The following GABRG3 variants were observed in gnomAD, a reference collection of about 807,000 sequenced individuals.
GABRG3 encodes the protein gamma-aminobutyric acid type A receptor subunit gamma3.
Under a neutral mutation model 48.8 loss-of-function variants are expected in GABRG3, and 25 were observed. The ratio of observed to expected loss-of-function variants is 0.51; its 90% CI spans 0.37 to 0.72. The LOEUF is 0.72. GABRG3 is among the 30% of genes least tolerant of loss of function. GABRG3 has a pLI of 0.00. For synonymous variants in GABRG3, 227 were observed against 217.6 expected (o/e 1.04, Z -0.38); for missense variants, 394 against 577.9 (o/e 0.68, Z 3.26).
In GABRG3 at chr15:27,180,775, G is replaced by A. The variant is rs577061110; in HGVS notation, c.271-146034G>A. Among the ~76,000 whole-genome samples, 61 of 152,210 alleles carry A rather than the reference G, an allele frequency of 4.0e-4. No individual in the cohort carries two copies. Among genetic ancestry groups the A allele is most frequent in the Non-Finnish European group, 7.6e-4 (52 of 68,024 alleles). ...GATACCTCCTGGCCCTAAATCCACT[G>A]ACTAATGCTCTTATCCACTCACATT... On this transcript the variant is annotated intron_variant, in intron 3 of 9. Transcript: ENST00000615808. The surrounding 1 kb of genome is among the most constrained non-coding windows in gnomAD (Gnocchi z 4.2).
At chr15:27,009,940 ATTCTTCT>A (rs879812999) in intron 2 of GABRG3, among the ~76,000 whole-genome samples, 1 of 146,606 alleles carries the variant, frequency 6.8e-6, no homozygotes, top group African/African-American at 2.6e-5. Flanking sequence ...TTCTTTCTTC[ATTCTTCT>A]TTCTTCTTCT....
intron 3 of GABRG3, among the ~76,000 whole-genome samples, chr15:27,215,261 C>T (rs894170329): frequency 7.2e-5 from 11 of 152,126 alleles, no homozygotes; most frequent in African/African-American, 2.7e-4. Context: ...CCCCTTGCCT[C>T]CACAGCCCCT....
chr15:27,165,165 T>C (rs1887331809), intron 3 of GABRG3, among the ~76,000 whole-genome samples: 1 of 152,234 alleles, frequency 6.6e-6, no homozygotes, highest in Non-Finnish European at 1.5e-5. Flanking sequence ...TAGTTTCCTC[T>C]CCCAGATAAT....
At chr15:27,201,663 C>A (rs57807799) in intron 3 of GABRG3, among the ~76,000 whole-genome samples, 359 of 152,204 alleles carry the variant, frequency 2.4e-3, no homozygotes, top group African/African-American at 8.4e-3. Flanking sequence ...TTCAGCCAAG[C>A]CACAAGGGGT....
chr15:27,498,221 C>T (rs953193108), intron 6 of GABRG3, among the ~76,000 whole-genome samples: 39 of 152,008 alleles, frequency 2.6e-4, no homozygotes, highest in Non-Finnish European at 1.5e-4. Flanking sequence ...CATGGAGTGT[C>T]TGTTCCTTTC....
chr15:27,310,005 A>T (rs897253136), intron 3 of GABRG3, among the ~76,000 whole-genome samples: 1 of 152,160 alleles, frequency 6.6e-6, no homozygotes, highest in Non-Finnish European at 1.5e-5. Flanking sequence ...CTTTTAATAT[A>T]TGTAACAACT....
chr15:27,377,765 A>T (rs936243817), intron 5 of GABRG3, among the ~76,000 whole-genome samples: 3 of 152,230 alleles, frequency 2.0e-5, no homozygotes, highest in African/African-American at 7.2e-5. Context: ...ATCTACATGG[A>T]TGTATCTGTA....
intron 3 of GABRG3, among the ~76,000 whole-genome samples, chr15:27,126,338 G>C (rs1191896343): frequency 1.3e-5 from 2 of 152,130 alleles, no homozygotes; most frequent in Admixed American, 6.5e-5. Context: ...GGCAGGGGAG[G>C]GACTCGCGAT....
intron 3 of GABRG3, among the ~76,000 whole-genome samples, chr15:27,090,707 A>C (rs546650576): frequency 3.9e-5 from 6 of 152,322 alleles, no homozygotes; most frequent in African/African-American, 1.2e-4. Context: ...CAAGACTTGT[A>C]CTTCTTTGGC....
intron 5 of GABRG3, among the ~76,000 whole-genome samples, chr15:27,404,225 A>T (rs1887566682): frequency 6.6e-6 from 1 of 152,258 alleles, no homozygotes; most frequent in South Asian, 2.1e-4. Context: ...CGTCTGAAGA[A>T]AAAACCTATC....
chr15:27,509,630 C>A (rs935423920), intron 6 of GABRG3, among the ~76,000 whole-genome samples: 3 of 152,118 alleles, frequency 2.0e-5, no homozygotes, highest in Non-Finnish European at 4.4e-5. Context: ...TACTAATGTG[C>A]CTATCAAAAG....
At chr15:27,245,985 G>T (rs1890257624) in intron 3 of GABRG3, among the ~76,000 whole-genome samples, 1 of 152,158 alleles carries the variant, frequency 6.6e-6, no homozygotes, top group Admixed American at 6.5e-5. Flanking sequence ...AGAGGTGAAG[G>T]GGGAGCAGAT....
At chr15:27,301,399 A>G (rs1410251005) in intron 3 of GABRG3, among the ~76,000 whole-genome samples, 1 of 152,122 alleles carries the variant, frequency 6.6e-6, no homozygotes, top group Non-Finnish European at 1.5e-5. Flanking sequence ...TGAATATACT[A>G]CAGTTTATCT....
At chr15:27,003,230 TA>T (rs1175294150) in intron 2 of GABRG3, among the ~76,000 whole-genome samples, 5 of 147,190 alleles carry the variant, frequency 3.4e-5, no homozygotes, top group African/African-American at 4.9e-5. Flanking sequence ...TTTATTTATT[TA>T]TTTATTTTTT....
At chr15:27,324,173 A>T (rs1275723476) in intron 3 of GABRG3, among the ~76,000 whole-genome samples, 1 of 152,202 alleles carries the variant, frequency 6.6e-6, no homozygotes, top group Admixed American at 6.5e-5. Context: ...AAAGGAGGCA[A>T]CTCAAAAGGT....
At chr15:27,213,576 A>T (rs371545227) in intron 3 of GABRG3, among the ~76,000 whole-genome samples, 1 of 152,216 alleles carries the variant, frequency 6.6e-6, no homozygotes, top group African/African-American at 2.4e-5. Flanking sequence ...TTCAAAGTTC[A>T]GTTGGATTAT....
chr15:27,168,763 A>G (rs983308866), intron 3 of GABRG3, among the ~76,000 whole-genome samples: 4 of 152,220 alleles, frequency 2.6e-5, no homozygotes, highest in East Asian at 1.9e-4. Context: ...CCAGACACCA[A>G]ATCTGCTGGT....
chr15:27,422,867 G>T (rs1289284454), intron 5 of GABRG3, among the ~76,000 whole-genome samples: 1 of 152,128 alleles, frequency 6.6e-6, no homozygotes, highest in Non-Finnish European at 1.5e-5. Flanking sequence ...CACGACTAAG[G>T]TTTATTGTAG....
chr15:27,017,437 C>T (rs1464045268), intron 2 of GABRG3, among the ~76,000 whole-genome samples: 1 of 152,136 alleles, frequency 6.6e-6, no homozygotes, highest in African/African-American at 2.4e-5. Flanking sequence ...GTCATTCCAT[C>T]GTACTGCAGA....
Sources: allele counts gnomAD v4.1 joint callset (sites outside exome capture counted in the v4.1 genomes callset), GRCh38; gene constraint gnomAD v4.1.1; non-coding constraint Gnocchi (gnomAD v3.1); transcripts MANE v1.5; gene names NCBI Gene and HGNC (gene_info 2026-07-23, HGNC 2026-07-21).